Variants in B3GALT1 observed in about 807,000 individuals in gnomAD.
B3GALT1 encodes beta-1,3-galactosyltransferase 1, also known as UDP-Gal:betaGlcNAc beta 1,3-galactosyltransferase, polypeptide 1.
Under a neutral mutation model 23.2 loss-of-function variants are expected in B3GALT1, and 10 were observed. That is an observed-to-expected ratio of 0.43 (90% CI 0.27 to 0.73). The LOEUF is 0.73. B3GALT1 is among the 30% of genes least tolerant of loss of function. The pLI, the probability that B3GALT1 is intolerant of heterozygous loss-of-function variation, is 0.21. For missense variants in B3GALT1, 299 were observed against 405.4 expected, an observed-to-expected ratio of 0.74 and a Z score of 2.25; for synonymous variants, 156 against 141.5, an observed-to-expected ratio of 1.10 and a Z score of -0.73.
chr2:167,463,290 A>G (rs1230754721), intron 1 of B3GALT1, among the ~76,000 whole-genome samples: 2 of 152,116 alleles, frequency 1.3e-5, no homozygotes, highest in African/African-American at 2.4e-5. Context: ...TATCAGGAAC[A>G]TAGTATCATG....
intron 2 of B3GALT1, among the ~76,000 whole-genome samples, chr2:167,505,321 TAAAAG>T (rs1699903278): frequency 6.6e-6 from 1 of 152,054 alleles, no homozygotes; most frequent in Non-Finnish European, 1.5e-5. Flanking sequence ...TAAATAGAAA[TAAAAG>T]GGGAGGAACA....
chr2:167,431,995 T>G (rs1338658166), intron 1 of B3GALT1, among the ~76,000 whole-genome samples: 1 of 152,150 alleles, frequency 6.6e-6, no homozygotes, highest in Non-Finnish European at 1.5e-5. Flanking sequence ...AATTTACTCT[T>G]AAATCATGGG....
intron 3 of B3GALT1, among the ~76,000 whole-genome samples, chr2:167,674,442 TACTTGTA>T (rs1456626638): frequency 6.6e-6 from 1 of 152,200 alleles, no homozygotes; most frequent in African/African-American, 2.4e-5. Flanking sequence ...AATAGAAGTA[TACTTGTA>T]ACATAAAATG....
chr2:167,400,099 G>A (rs939459086), intron 1 of B3GALT1, among the ~76,000 whole-genome samples: 4 of 151,174 alleles, frequency 2.6e-5, no homozygotes, highest in African/African-American at 9.7e-5. Context: ...TATTACAAAT[G>A]ATCTGATTTT....
At chr2:167,668,263 G>A (rs1182686006) in intron 3 of B3GALT1, among the ~76,000 whole-genome samples, 17 of 152,024 alleles carry the variant, frequency 1.1e-4, no homozygotes, top group South Asian at 2.1e-4. Flanking sequence ...TAGGCTTCTC[G>A]GAGGTCAGGG....
intron 2 of B3GALT1, among the ~76,000 whole-genome samples, chr2:167,555,980 G>A (rs563749955): frequency 5.9e-5 from 9 of 152,248 alleles, no homozygotes; most frequent in East Asian, 1.9e-4. Context: ...GACTTTAGCC[G>A]AATATGAATT....
At chr2:167,503,378 A>G (rs2105349446) in intron 2 of B3GALT1, among the ~76,000 whole-genome samples, 1 of 152,316 alleles carries the variant, frequency 6.6e-6, no homozygotes, top group Non-Finnish European at 1.5e-5. Flanking sequence ...ACCAACAGCC[A>G]GGCTTATGCT....
At chr2:167,603,485 A>T (rs1684908776) in intron 2 of B3GALT1, among the ~76,000 whole-genome samples, 1 of 152,252 alleles carries the variant, frequency 6.6e-6, no homozygotes, top group Non-Finnish European at 1.5e-5. Flanking sequence ...GCTGAATGAA[A>T]TAAAGGAGAT....
chr2:167,521,049 T>A (rs973104962), intron 2 of B3GALT1, among the ~76,000 whole-genome samples: 4 of 152,108 alleles, frequency 2.6e-5, no homozygotes, highest in South Asian at 2.1e-4. Context: ...ATCTTCTTTT[T>A]CCTTCTTGAA....
At chr2:167,343,479 A>G (rs573353225) in intron 1 of B3GALT1, among the ~76,000 whole-genome samples, 106 of 152,304 alleles carry the variant, frequency 7.0e-4, no homozygotes, top group African/African-American at 2.5e-3. Flanking sequence ...ATTTTAAGCA[A>G]CTACACTGAC....
At chr2:167,866,949 CGG>C (rs140856660) in intron 4 of B3GALT1, among the ~76,000 whole-genome samples, 2,947 of 151,836 alleles carry the variant, frequency 0.019, 42 homozygotes, top group Non-Finnish European at 0.03. Context: ...TTTTTTGAGA[CGG>C]AGTCTCACTT....
At chr2:167,425,740 T>G (rs1698613369) in intron 1 of B3GALT1, among the ~76,000 whole-genome samples, 1 of 152,216 alleles carries the variant, frequency 6.6e-6, no homozygotes, top group South Asian at 2.1e-4. Context: ...TATGTGTACC[T>G]GAATATCAGG....
intron 3 of B3GALT1, among the ~76,000 whole-genome samples, chr2:167,809,269 C>T (rs969547238): frequency 6.6e-6 from 1 of 152,136 alleles, no homozygotes; most frequent in African/African-American, 2.4e-5. Flanking sequence ...CGTCTGAAGC[C>T]TTCTTCTCTC....
chr2:167,347,269 G>A (rs966898912), intron 1 of B3GALT1, among the ~76,000 whole-genome samples: 2 of 152,222 alleles, frequency 1.3e-5, no homozygotes, highest in African/African-American at 2.4e-5. Flanking sequence ...ATTATTGGTC[G>A]AAAGGGGTAT....
intron 3 of B3GALT1, among the ~76,000 whole-genome samples, chr2:167,650,951 A>G (rs1017064587): frequency 6.6e-6 from 1 of 152,162 alleles, no homozygotes; most frequent in Non-Finnish European, 1.5e-5. Flanking sequence ...TTCCTTTAGT[A>G]TAATAAATGC....
chr2:167,475,528 A>C (rs1647255086), intron 1 of B3GALT1, among the ~76,000 whole-genome samples: 1 of 152,044 alleles, frequency 6.6e-6, no homozygotes, highest in African/African-American at 2.4e-5. Flanking sequence ...TGAAATTGTG[A>C]AGAAGGAAAA....
At chr2:167,704,249 C>T (rs1029636530) in intron 3 of B3GALT1, among the ~76,000 whole-genome samples, 5 of 148,482 alleles carry the variant, frequency 3.4e-5, no homozygotes, top group Non-Finnish European at 7.4e-5. Flanking sequence ...TATGAAGTTT[C>T]TATCCTGCCA....
chr2:167,414,231 T>G (rs528349266), intron 1 of B3GALT1, among the ~76,000 whole-genome samples: 1 of 152,236 alleles, frequency 6.6e-6, no homozygotes, highest in South Asian at 2.1e-4. Flanking sequence ...TGAATACTAT[T>G]AGTGTCTTTA....
chr2:167,312,277 A>G (rs1696643267), intron 1 of B3GALT1, among the ~76,000 whole-genome samples: 1 of 152,054 alleles, frequency 6.6e-6, no homozygotes. Context: ...TTCATAAAAT[A>G]ATACTGAAAT....
Sources: allele counts gnomAD v4.1 joint callset (sites outside exome capture counted in the v4.1 genomes callset), GRCh38; gene constraint gnomAD v4.1.1; transcripts MANE v1.5; gene names NCBI Gene and HGNC (gene_info 2026-07-23, HGNC 2026-07-21).